Variants in MDGA2 observed in about 807,000 individuals in gnomAD.
MDGA2 encodes the protein MAM domain containing glycosylphosphatidylinositol anchor 2, also known as MAM domain-containing glycosylphosphatidylinositol anchor protein 2.
Under a neutral mutation model 117.8 loss-of-function variants are expected in MDGA2, and 40 were observed. The ratio of observed to expected loss-of-function variants is 0.34; its 90% CI spans 0.26 to 0.44. MDGA2 has a LOEUF of 0.44. Among genes scored for constraint, MDGA2 ranks in the 20% least tolerant of loss-of-function variants. The probability of loss-of-function intolerance (pLI) is 1.00; values close to 1 mark genes in which losing one functional copy is unlikely to be tolerated. For synonymous variants in MDGA2, 452 were observed against 439.0 expected (o/e 1.03, Z -0.37); for missense variants, 1,123 against 1,250.6 (o/e 0.90, Z 1.54).
intron 1 of MDGA2, among the ~76,000 whole-genome samples, chr14:47,455,362 T>C (rs1431510168): frequency 6.6e-6 from 1 of 151,758 alleles, no homozygotes; most frequent in Non-Finnish European, 1.5e-5. Context: ...AAAAACTAGC[T>C]GGCTGTGGTG....
At chr14:47,555,168 T>G (rs1439844645) in intron 1 of MDGA2, among the ~76,000 whole-genome samples, 2 of 152,286 alleles carry the variant, frequency 1.3e-5, no homozygotes, top group Admixed American at 1.3e-4. Context: ...CTTAGTCAAG[T>G]TGAAGGCAAA....
At chr14:46,891,883 T>A (rs1470514400) in intron 10 of MDGA2, among the ~76,000 whole-genome samples, 1 of 151,596 alleles carries the variant, frequency 6.6e-6, no homozygotes, top group Non-Finnish European at 1.5e-5. Context: ...AAATGATATT[T>A]GAACTTTTGC....
intron 3 of MDGA2, among the ~76,000 whole-genome samples, chr14:47,207,237 G>T (rs1885718489): frequency 6.6e-6 from 1 of 151,936 alleles, no homozygotes; most frequent in South Asian, 2.1e-4. Context: ...GAGCAGGGAG[G>T]TGAGGTCGAA....
chr14:47,301,456 T>C lies in MDGA2; in HGVS notation c.375A>G (p.Glu125=), dbSNP rs2139812833. Residue 125 remains glutamate (E), a synonymous_variant, in exon 2 of 17, where the codon GAA becomes GAG. Transcript: ENST00000399232. ...TGACTAGACAAGTCAACTCAAGGGT[T>C]TCTCCTTCCCGGATAGTGTAGACCC... ...SERVYTIREG[E]TLELTCLVTG... is the part of the protein sequence containing the mutation. 1 of 1,551,842 alleles carries C rather than the reference T, an allele frequency of 6.4e-7. No individual in the cohort carries two copies. Among genetic ancestry groups the C allele is most frequent in the East Asian group, 2.4e-5 (1 of 40,912 alleles).
intron 1 of MDGA2, among the ~76,000 whole-genome samples, chr14:47,364,163 G>T (rs1891182877): frequency 6.6e-6 from 1 of 152,028 alleles, no homozygotes; most frequent in African/African-American, 2.4e-5. Flanking sequence ...TGAGTTTATT[G>T]TTTCTACTTT....
At chr14:46,904,096 G>A (rs1459094087) in intron 10 of MDGA2, among the ~76,000 whole-genome samples, 1 of 152,160 alleles carries the variant, frequency 6.6e-6, no homozygotes, top group Non-Finnish European at 1.5e-5. Flanking sequence ...AGGCATGGTG[G>A]CTCATGCCTG....
At position 47,326,716 on chromosome 14, in the gene MDGA2, A is replaced by G. The variant is rs151181040; in HGVS notation, c.281-25166T>C. ...ACACACACACACACACAATTGTATC[A>G]TTTTTCTAAACTCTTAATCACACAC... On this transcript the variant is annotated intron_variant, in intron 1 of 16. Transcript: ENST00000399232. Among the ~76,000 whole-genome samples, 105 of 151,496 alleles carry G rather than the reference A, an allele frequency of 6.9e-4. 1 individual carries two copies. The highest frequency in any genetic ancestry group is 2.4e-3 in the African/African-American group (99 of 41,308).
intron 5 of MDGA2, among the ~76,000 whole-genome samples, chr14:47,125,313 A>G (rs1338245354): frequency 6.6e-6 from 1 of 152,150 alleles, no homozygotes; most frequent in Non-Finnish European, 1.5e-5. Context: ...CAAAATTTAT[A>G]TAACTAAGAT....
chr14:47,286,803 T>TTA (rs34614614), intron 2 of MDGA2, among the ~76,000 whole-genome samples: 3,580 of 129,916 alleles, frequency 0.028, 76 homozygotes, highest in Non-Finnish European at 0.031. Context: ...AGGCATATCA[T>TTA]TATATATATA....
chr14:47,376,484 T>C (rs1891480918), intron 1 of MDGA2, among the ~76,000 whole-genome samples: 2 of 152,170 alleles, frequency 1.3e-5, no homozygotes, highest in Non-Finnish European at 2.9e-5. Context: ...AAAAACAACA[T>C]AAATTTCTAC....
chr14:47,641,193 A>G (rs541368639), intron 1 of MDGA2, among the ~76,000 whole-genome samples: 4 of 152,122 alleles, frequency 2.6e-5, no homozygotes, highest in African/African-American at 9.6e-5. Flanking sequence ...CTTGAAGTGA[A>G]GCCAAGAAGT....
chr14:47,297,142 T>C (rs1479221425), intron 2 of MDGA2, among the ~76,000 whole-genome samples: 5 of 152,134 alleles, frequency 3.3e-5, no homozygotes, highest in African/African-American at 4.8e-5. Flanking sequence ...ATTCTAGTCA[T>C]AGAATAATAC....
intron 1 of MDGA2, among the ~76,000 whole-genome samples, chr14:47,613,479 T>TCTCACACACACACACACACACA (rs1023859588): frequency 1.4e-5 from 2 of 141,088 alleles, no homozygotes; most frequent in African/African-American, 5.4e-5. Context: ...TCTCTCTCTC[T>TCTCACACACACACACACACACA]CACACACACA....
intron 4 of MDGA2, among the ~76,000 whole-genome samples, chr14:47,138,801 A>C (rs1882578749): frequency 6.6e-6 from 1 of 152,148 alleles, no homozygotes; most frequent in South Asian, 2.1e-4. Flanking sequence ...ATTTATAAAT[A>C]GAAAATGATA....
intron 1 of MDGA2, among the ~76,000 whole-genome samples, chr14:47,551,143 T>A (rs187528345): frequency 9.2e-5 from 14 of 152,280 alleles, no homozygotes; most frequent in Non-Finnish European, 1.5e-4. Context: ...CAAATCAACT[T>A]TAATAATTGT....
rs1396902891 is a variant in MDGA2, at chr14:47,107,782, C to G, written c.926-10659G>C. Among the ~76,000 whole-genome samples the G allele has an allele frequency of 5.3e-5, 8 of 150,618 alleles. No individual in the cohort carries two copies. In the East Asian group the frequency reaches 1.5e-3, roughly 29 times the overall value. The stretch of plus-strand genomic sequence containing the variant: ...GGACCACACCCTGTAGCCTTTCTCT[C>G]CAAACAACTTGACCTTACTGTTTTA... On this transcript the variant is annotated intron_variant, in intron 5 of 16. Coordinates refer to ENST00000399232, the MANE Select transcript of MDGA2 (RefSeq NM_001113498.3).
At chr14:47,667,703 AG>A (rs1226149441) in intron 1 of MDGA2, among the ~76,000 whole-genome samples, 11 of 152,218 alleles carry the variant, frequency 7.2e-5, no homozygotes, top group Admixed American at 6.5e-5. Flanking sequence ...CTGTCCATTA[AG>A]ACTTAGAGAC....
In MDGA2 at chr14:47,218,324, A is replaced by T. The variant is rs552154261; in HGVS notation, c.421-129T>A. The T allele has an allele frequency of 1.5e-3, 1,208 of 789,840 alleles. 5 individuals are homozygous for T. The highest frequency in any genetic ancestry group is 0.011 in the Middle Eastern group (46 of 4,164). 48.9% of individuals were successfully genotyped at this position (789,840 alleles called of 1,614,324 possible). A position where few individuals can be genotyped will look rare whatever the true frequency, so the allele number is the denominator to read the frequency against. On this transcript the variant is annotated intron_variant, in intron 2 of 16. Coordinates refer to ENST00000399232, the MANE Select transcript of MDGA2 (RefSeq NM_001113498.3). ...TGCCTCTCCCATCAAATTATTGAAG[A>T]AAAAATTAATGTTTACAGACACGAT...
chr14:47,198,583 T>A (rs1038896363), intron 3 of MDGA2, among the ~76,000 whole-genome samples: 1 of 151,866 alleles, frequency 6.6e-6, no homozygotes, highest in African/African-American at 2.4e-5. Context: ...AAAAAAAAAA[T>A]TGATAAAATG....
Sources: allele counts gnomAD v4.1 joint callset (sites outside exome capture counted in the v4.1 genomes callset), GRCh38; gene constraint gnomAD v4.1.1; transcripts MANE v1.5; gene names NCBI Gene and HGNC (gene_info 2026-07-23, HGNC 2026-07-21).